MACF1: variants seen among roughly 807,000 people sequenced by gnomAD.
MACF1 encodes the protein microtubule actin crosslinking factor 1.
In MACF1, 193 loss-of-function variants were observed where a neutral mutation model predicts 854.8. The observed-to-expected ratio is 0.23, with a 90% CI of 0.20 to 0.25. MACF1 has a LOEUF of 0.25. Among genes scored for constraint, MACF1 ranks in the 10% least tolerant of loss-of-function variants. The pLI is 1.00. For synonymous variants in MACF1, 3,185 were observed against 3,226.7 expected (o/e 0.99, Z 0.44); for missense variants, 7,722 against 8,929.1 (o/e 0.86, Z 5.45).
At chr1:39,169,914 C>T (rs561571009) in intron 2 of MACF1, among the ~76,000 whole-genome samples, 10 of 151,808 alleles carry the variant, frequency 6.6e-5, no homozygotes, top group African/African-American at 2.2e-4. Context: ...GCTGGGACTA[C>T]AGGCACCTGC....
chr1:39,275,963 T>C (rs1246856086), intron 6 of MACF1, among the ~76,000 whole-genome samples: 1 of 151,216 alleles, frequency 6.6e-6, no homozygotes, highest in Non-Finnish European at 1.5e-5. Context: ...CTCTGACACC[T>C]GGCTGGAGAG....
At position 39,112,858 on chromosome 1, in the gene MACF1, G is replaced by C. The variant is rs112141729; in HGVS notation, c.220+28420G>C. Among the ~76,000 whole-genome samples the C allele has an allele frequency of 5.5e-3, 838 of 151,974 alleles. 8 individuals carry two copies. Among genetic ancestry groups the C allele is most frequent in the African/African-American group, 0.019 (777 of 41,444 alleles). On this transcript the variant is annotated intron_variant, in intron 2 of 93. Transcript: ENST00000361689. ...CTTTAACAGTCATCCCTAGAGCTGG[G>C]CATAGTCCCAGTTTCTAAGAAGGCT...
At chr1:39,458,922 T>G in intron 90 of MACF1, 164 bp from the exon 91 acceptor site, 1 of 636,814 alleles carries the variant, frequency 1.6e-6, no homozygotes, top group Non-Finnish European at 2.6e-6. Context: ...ATCAGTACTT[T>G]TGGAATTAGT....
chr1:39,331,056 G>T, intron 36 of MACF1, 147 bp from the exon 37 acceptor site: 1 of 1,209,212 alleles, frequency 8.3e-7, no homozygotes, highest in African/African-American at 1.5e-5. Context: ...GCCTTGGGCA[G>T]ATTATAGGCG....
At chr1:39,308,507 T>C (rs1219700454) in intron 23 of MACF1, among the ~76,000 whole-genome samples, 2 of 152,176 alleles carry the variant, frequency 1.3e-5, no homozygotes, top group Non-Finnish European at 2.9e-5. Context: ...CACATTTTTT[T>C]CTCAACTTGA....
intron 36 of MACF1, 31 bp from the exon 37 acceptor site, chr1:39,331,172 C>CTG: frequency 1.5e-6 from 2 of 1,297,960 alleles, no homozygotes; most frequent in East Asian, 5.8e-5. Flanking sequence ...TTCTCTTTTC[C>CTG]TTTTTTTTTT....
Position 39,451,132 on chromosome 1 carries a change from A to G in MACF1, c.20339A>G (p.Lys6780Arg), listed in dbSNP as rs1046688713. ...ALQALVDWLY[K>R]VEPQLAEDQP... ...CAGGCATTGGTTGACTGGTTATACA[A>G]GGTGGAGCCACAGCTGGCTGAGGAC... Residue 6780 changes from lysine (K) to arginine (R), a missense_variant, in exon 85 of 101, where the codon AAG (lysine) becomes AGG (arginine). Physicochemically the swap from Lys to Arg is conservative, Grantham distance 26 (BLOSUM62 2). This residue lies in a region of MACF1 where 729 missense variants were observed against 900.5 expected (regional missense o/e 0.81). Coordinates refer to ENST00000564288, the MANE Select transcript of MACF1 (RefSeq NM_001394062.1). 2 of 1,614,156 alleles carry G rather than the reference A, an allele frequency of 1.2e-6. No homozygotes were observed. The highest frequency in any genetic ancestry group is 3.3e-5 in the Admixed American group (2 of 60,018).
chr1:39,274,046 C>A (rs1392666987), intron 6 of MACF1, among the ~76,000 whole-genome samples: 1 of 151,946 alleles, frequency 6.6e-6, no homozygotes, highest in Non-Finnish European at 1.5e-5. Context: ...TTTACTTTAT[C>A]ATAATAGGGG....
rs754779489 is a variant in MACF1 at position 39,422,863 on chromosome 1, A to G, written c.16112A>G (p.Glu5371Gly). The G allele has an allele frequency of 6.2e-7, 1 of 1,614,076 alleles. No individual in the cohort carries two copies. The highest frequency in any genetic ancestry group is 8.5e-7 in the Non-Finnish European group (1 of 1,180,032). ...LIANQKPPSA[E>G]YKVVKAQIQE... ...GCCAATCAGAAACCTCCATCTGCTG[A>G]GTATAAAGTGGTGAAAGCACAGATC... is the stretch of plus-strand genomic sequence containing the variant. The change falls in exon 60 of 101, where the codon GAG becomes GGG. Residue 5371 changes from glutamate to glycine, a missense_variant. Coordinates refer to ENST00000564288, the MANE Select transcript of MACF1 (RefSeq NM_001394062.1).
At chr1:39,358,500 A>G (rs1647789584) in intron 45 of MACF1, among the ~76,000 whole-genome samples, 197 bp from the exon 46 acceptor site, 2 of 152,330 alleles carry the variant, frequency 1.3e-5, no homozygotes, top group South Asian at 4.1e-4. Context: ...AAGAAGGTCA[A>G]GGTGAATAGT....
At chr1:39,119,872 C>CTTTTT (rs571383832) in intron 2 of MACF1, among the ~76,000 whole-genome samples, 1 of 65,550 alleles carries the variant, frequency 1.5e-5, no homozygotes, top group Admixed American at 2.0e-4. Context: ...AATAAAGCCT[C>CTTTTT]TTTTTTTTTT....
In MACF1 at chr1:39,434,386, CTTTTT is replaced by C. The variant is rs71798934; in HGVS notation, c.17566-15_17566-11del. 2,028 of 980,130 alleles carry C rather than the reference CTTTTT, an allele frequency of 2.1e-3. No individual in the cohort carries two copies. Among genetic ancestry groups the C allele is most frequent in the South Asian group, 3.0e-3 (181 of 61,092 alleles). 60.7% of individuals were successfully genotyped at this position (980,130 alleles called of 1,614,324 possible). ...AGAGTTTATAATAGTAATACTTATC[CTTTTT>C]TTTTTTTTTTTTGCTCACATAGGAA... On this transcript the variant is annotated intron_variant, in intron 68 of 100. Transcript: ENST00000564288.
At chr1:39,125,854 G>C (rs889011387) in intron 2 of MACF1, among the ~76,000 whole-genome samples, 16 of 152,162 alleles carry the variant, frequency 1.1e-4, no homozygotes, top group Admixed American at 1.0e-3. Context: ...TTAGCTGGGC[G>C]TGGTGGCATG....
At position 39,398,223 on chromosome 1, in the gene MACF1, C is replaced by T. The variant is rs149597834; in HGVS notation, c.15816+9565C>T. 1.6e-3 allele frequency among the ~76,000 whole-genome samples: 243 copies of T among 151,716 alleles called. 2 individuals carry two copies. Among genetic ancestry groups the T allele is most frequent in the African/African-American group, 5.4e-3 (222 of 41,284 alleles). On this transcript the variant is annotated intron_variant, in intron 58 of 100. Coordinates refer to ENST00000564288, the MANE Select transcript of MACF1 (RefSeq NM_001394062.1). Reference sequence around the variant, plus strand: ...GCACAATCATGGCTCACTGCAGCCTCGACCTCCCAGTCTCAAGTGATCCTC... The same window carrying T: ...GCACAATCATGGCTCACTGCAGCCTTGACCTCCCAGTCTCAAGTGATCCTC...
Position 39,297,681 on chromosome 1 carries a change from G to A in MACF1, c.2417G>A (p.Arg806Gln), listed in dbSNP as rs1365168474. 5.0e-6 allele frequency: 8 copies of A among 1,614,024 alleles called. No homozygotes were observed. The highest frequency in any genetic ancestry group is 1.7e-5 in the Admixed American group (1 of 60,006). Residue 806 changes from arginine to glutamine, a missense_variant, in exon 21 of 101, where the codon CGA becomes CAA. Coordinates refer to ENST00000564288, the MANE Select transcript of MACF1 (RefSeq NM_001394062.1). ...FLRNLQDSIKRKYSCDHNTSL... is the reference protein window; with the variant it reads ...FLRNLQDSIKQKYSCDHNTSL... ...AGGAACCTCCAAGATTCCATTAAAC[G>A]AAAATATTCCTGTGACCACAACACC... is the stretch of plus-strand genomic sequence containing the variant.
At chr1:39,264,416 G>A (rs974413133) in intron 6 of MACF1, among the ~76,000 whole-genome samples, 1 of 152,186 alleles carries the variant, frequency 6.6e-6, no homozygotes, top group African/African-American at 2.4e-5. Flanking sequence ...GCATTAGTAT[G>A]TAAGCTTAAC....
intron 97 of MACF1, among the ~76,000 whole-genome samples, chr1:39,471,117 A>T (rs1391419099): frequency 1.3e-5 from 2 of 148,342 alleles, no homozygotes; most frequent in African/African-American, 4.8e-5. Flanking sequence ...TAATCATCTC[A>T]ATCCATTGAC....
rs1644523436 is a variant in MACF1 at position 39,460,066 on chromosome 1, T to C, written c.21361-566T>C. 6.6e-6 allele frequency among the ~76,000 whole-genome samples: 1 copy of C among 152,202 alleles called. No individual in the cohort carries two copies. On this transcript the variant is annotated intron_variant, in intron 91 of 100. Coordinates refer to ENST00000564288, the MANE Select transcript of MACF1 (RefSeq NM_001394062.1). The surrounding 1 kb of genome is among the most constrained non-coding windows in gnomAD (Gnocchi z 4.1). The stretch of plus-strand genomic sequence containing the variant: ...CTGTTTTCCATCAAGGCCAAATATT[T>C]AACATGGAGGTCAGATGGGCAATTT...
chr1:39,428,531 G>A (rs1245118870), intron 63 of MACF1, among the ~76,000 whole-genome samples: 1 of 152,044 alleles, frequency 6.6e-6, no homozygotes, highest in East Asian at 1.9e-4. Context: ...ATAGTCAGGG[G>A]CCATCTGAAC....
Sources: allele counts gnomAD v4.1 joint callset (sites outside exome capture counted in the v4.1 genomes callset), GRCh38; gene constraint gnomAD v4.1.1; regional missense constraint gnomAD v4.1.1; non-coding constraint Gnocchi (gnomAD v3.1); transcripts MANE v1.5; gene names NCBI Gene and HGNC (gene_info 2026-07-23, HGNC 2026-07-21).